SMAD3: variants seen among roughly 807,000 people sequenced by gnomAD.
SMAD3 encodes the protein SMAD family member 3.
SMAD3 carries 12 observed loss-of-function variants against 51.8 expected under a neutral mutation model. That is an observed-to-expected ratio of 0.23 (90% CI 0.15 to 0.38). The LOEUF is 0.38. Among genes scored for constraint, SMAD3 ranks in the 10% least tolerant of loss-of-function variants. The pLI is 1.00. For synonymous variants in SMAD3, 238 were observed against 227.7 expected (o/e 1.05, Z -0.41); for missense variants, 294 against 565.6 (o/e 0.52, Z 4.87).
At chr15:67,117,650 G>A (rs568267717) in intron 1 of SMAD3, among the ~76,000 whole-genome samples, 11 of 152,288 alleles carry the variant, frequency 7.2e-5, no homozygotes, top group African/African-American at 2.2e-4. Flanking sequence ...GTGGTTTGTC[G>A]AGCATGGATT....
chr15:67,168,234 G>A (rs1486142849), intron 4 of SMAD3, among the ~76,000 whole-genome samples: 8 of 152,306 alleles, frequency 5.3e-5, no homozygotes, highest in African/African-American at 1.4e-4. Flanking sequence ...GGATTACACC[G>A]CACCTGGCTG....
chr15:67,137,196 T>C (rs1278752116), intron 1 of SMAD3, among the ~76,000 whole-genome samples: 2 of 152,200 alleles, frequency 1.3e-5, no homozygotes, highest in Non-Finnish European at 2.9e-5. Flanking sequence ...GACAAGGGTG[T>C]TTTTTTGTTT....
chr15:67,073,286 C>T (rs1472883341), intron 1 of SMAD3, among the ~76,000 whole-genome samples: 1 of 152,084 alleles, frequency 6.6e-6, no homozygotes, highest in Non-Finnish European at 1.5e-5. Context: ...TATCTAAGAC[C>T]CTTCCTATAA....
chr15:67,166,184 CGTCCCGCGGGTAAGTCAACTACTCCCT>C, intron 3 of SMAD3: 1 of 1,014,270 alleles, frequency 9.9e-7, no homozygotes, highest in Non-Finnish European at 1.2e-6. Flanking sequence ...GTAGCCCTGG[CGTCCCGCGGGTAAGTCAACTACTCCCT>C]GTTCAAAGAG....
chr15:67,138,762 C>T (rs1287043008), intron 1 of SMAD3, among the ~76,000 whole-genome samples: 1 of 152,186 alleles, frequency 6.6e-6, no homozygotes, highest in East Asian at 1.9e-4. Context: ...ACCAAAAAGT[C>T]CAGCTGAGAA....
chr15:67,141,066 G>GCT (rs973653033), intron 1 of SMAD3, among the ~76,000 whole-genome samples: 1 of 152,224 alleles, frequency 6.6e-6, no homozygotes, highest in African/African-American at 2.4e-5. Flanking sequence ...GCAGTGGGCA[G>GCT]CTGCCTGTTT....
intron 1 of SMAD3, among the ~76,000 whole-genome samples, chr15:67,135,987 T>C (rs935010988): frequency 1.3e-5 from 2 of 152,182 alleles, no homozygotes. Flanking sequence ...GTGTTTACTC[T>C]CTTTTAAATT....
chr15:67,084,979 C>T (rs139205480), intron 1 of SMAD3, among the ~76,000 whole-genome samples: 1 of 152,290 alleles, frequency 6.6e-6, no homozygotes, highest in Non-Finnish European at 1.5e-5. Context: ...GGGTTAGACT[C>T]TGTGCTAATG....
At chr15:67,097,830 T>A (rs1566967090) in intron 1 of SMAD3, among the ~76,000 whole-genome samples, 1 of 152,158 alleles carries the variant, frequency 6.6e-6, no homozygotes. Flanking sequence ...GCCTTCAAGG[T>A]CTAACTTCCA....
At position 67,193,410 on chromosome 15, in the gene SMAD3, A is replaced by G. The variant is rs1488680716; in HGVS notation, c.*2874A>G. On this transcript the variant is annotated 3_prime_UTR_variant, in exon 9 of 9. Transcript: ENST00000327367. Reference sequence around the variant, plus strand: ...TGTCTTCAGCACCTTCCAAGGAGCCAACTTTTATTCCCTTTCCTCTCTCCC... The same window carrying G: ...TGTCTTCAGCACCTTCCAAGGAGCCGACTTTTATTCCCTTTCCTCTCTCCC... 1 of 233,660 alleles carries G rather than the reference A, an allele frequency of 4.3e-6. No homozygotes were observed. Among genetic ancestry groups the G allele is most frequent in the Non-Finnish European group, 8.5e-6 (1 of 118,088 alleles). 14.5% of individuals were successfully genotyped at this position (233,660 alleles called of 1,614,324 possible). A position where few individuals can be genotyped will look rare whatever the true frequency, so the allele number is the denominator to read the frequency against.
intron 1 of SMAD3, chr15:67,147,046 C>T (rs368503307): frequency 6.6e-6 from 1 of 152,270 alleles, no homozygotes; most frequent in East Asian, 1.9e-4. Flanking sequence ...TCCACGGAGC[C>T]TGTTTGAGAA....
chr15:67,066,798 T>G (rs572096733), intron 1 of SMAD3, among the ~76,000 whole-genome samples: 19 of 152,318 alleles, frequency 1.2e-4, no homozygotes, highest in African/African-American at 3.8e-4. Flanking sequence ...TGCGTTTCTT[T>G]TCTTCAGTCG....
At chr15:67,093,844 T>C (rs974733878) in intron 1 of SMAD3, among the ~76,000 whole-genome samples, 1 of 152,214 alleles carries the variant, frequency 6.6e-6, no homozygotes, top group Non-Finnish European at 1.5e-5. Flanking sequence ...CTTGGGCCAA[T>C]GAGAGGATGG....
intron 1 of SMAD3, among the ~76,000 whole-genome samples, chr15:67,073,835 C>T (rs1445508632): frequency 2.6e-5 from 4 of 152,176 alleles, no homozygotes; most frequent in Admixed American, 6.5e-5. Flanking sequence ...CCACCACACC[C>T]GGCTAATTTT....
chr15:67,099,932 A>G (rs1326199796), intron 1 of SMAD3, among the ~76,000 whole-genome samples: 2 of 152,256 alleles, frequency 1.3e-5, no homozygotes, highest in African/African-American at 2.4e-5. Context: ...CTGTAATCCC[A>G]GCACTTTGGG....
At chr15:67,150,845 G>GTTT (rs1342434861) in intron 1 of SMAD3, among the ~76,000 whole-genome samples, 42 of 14,358 alleles carry the variant, frequency 2.9e-3, no homozygotes, top group African/African-American at 6.7e-3. Context: ...CTATTTCTCA[G>GTTT]TCTTTTTTTT....
chr15:67,102,269 C>T (rs55712515), intron 1 of SMAD3, among the ~76,000 whole-genome samples: 40 of 42,560 alleles, frequency 9.4e-4, no homozygotes, highest in Non-Finnish European at 1.3e-3. Flanking sequence ...TGTGTGTGTG[C>T]GGTGTGTGTG....
intron 1 of SMAD3, among the ~76,000 whole-genome samples, chr15:67,090,411 T>C (rs1960485515): frequency 6.6e-6 from 1 of 152,138 alleles, no homozygotes; most frequent in Admixed American, 6.5e-5. Flanking sequence ...TACTCCTCTG[T>C]TCAGAAGTGA....
chr15:67,125,465 C>A (rs1566976468), intron 1 of SMAD3, among the ~76,000 whole-genome samples: 1 of 152,230 alleles, frequency 6.6e-6, no homozygotes, highest in East Asian at 1.9e-4. Context: ...AGCCAGATGT[C>A]AGTCCTGTGA....
Sources: allele counts gnomAD v4.1 joint callset (sites outside exome capture counted in the v4.1 genomes callset), GRCh38; gene constraint gnomAD v4.1.1; transcripts MANE v1.5; gene names NCBI Gene and HGNC (gene_info 2026-07-23, HGNC 2026-07-21).